Variants in MREG observed in about 807,000 individuals in gnomAD.
MREG encodes the protein melanoregulin.
MREG carries 31 observed loss-of-function variants against 28.5 expected under a neutral mutation model. The ratio of observed to expected loss-of-function variants is 1.09; its 90% CI spans 0.82 to 1.47. MREG has a LOEUF of 1.47. Among genes scored for constraint, MREG ranks in the 40% most tolerant of loss-of-function variants. The pLI, the probability that MREG is intolerant of heterozygous loss-of-function variation, is 0.00. For missense variants in MREG, 256 were observed against 257.4 expected (o/e 0.99, Z 0.04); for synonymous variants, 106 against 95.2 (o/e 1.11, Z -0.66).
intron 1 of MREG, among the ~76,000 whole-genome samples, chr2:216,003,418 T>A (rs1038994946): frequency 6.6e-6 from 1 of 152,178 alleles, no homozygotes. Context: ...AAGCCAGCAC[T>A]GTTGTGTCAT....
intron 2 of MREG, among the ~76,000 whole-genome samples, chr2:215,979,510 AAT>A (rs1693360409): frequency 6.8e-6 from 1 of 147,540 alleles, no homozygotes; most frequent in Non-Finnish European, 1.5e-5. Flanking sequence ...TAATAATAAT[AAT>A]AAAAGGTAAA....
chr2:215,949,753 G>T (rs1036928356), intron 2 of MREG, among the ~76,000 whole-genome samples: 3 of 152,088 alleles, frequency 2.0e-5, no homozygotes, highest in African/African-American at 7.2e-5. Context: ...TTTTATAACT[G>T]ATCCATTTCC....
At chr2:216,029,823 T>C (rs759824271) in intron 1 of MREG, among the ~76,000 whole-genome samples, 9 of 152,232 alleles carry the variant, frequency 5.9e-5, no homozygotes, top group Non-Finnish European at 7.3e-5. Flanking sequence ...GAAAAGGAGA[T>C]GGTTTAATGA....
rs1486285263 is a variant in MREG at position 216,013,312 on chromosome 2, A to C, written c.16T>G (p.Trp6Gly). 6.5e-7 allele frequency: 1 copy of C among 1,548,732 alleles called. No homozygotes were observed. Among genetic ancestry groups the C allele is most frequent in the East Asian group, 2.5e-5 (1 of 40,772 alleles). Reference protein sequence around the residue: MGLRDWLRTVCCCCGC... With the variant: MGLRDGLRTVCCCCGC... ...CAGCAGCAGCACACGGTTCTCAGCC[A>C]GTCCCTCAGCCCCATGGAGAGCGAG... Residue 6 changes from tryptophan (W) to glycine (G), a missense_variant, in exon 1 of 5, where the codon TGG (tryptophan) becomes GGG (glycine). Coordinates refer to ENST00000263268, the MANE Select transcript of MREG (RefSeq NM_018000.3).
chr2:215,947,085 T>C lies in MREG; in HGVS notation c.284A>G (p.His95Arg). 6.2e-7 allele frequency: 1 copy of C among 1,613,094 alleles called. No individual in the cohort carries two copies. Among genetic ancestry groups the C allele is most frequent in the African/African-American group, 1.3e-5 (1 of 75,054 alleles). Residue 95 changes from histidine to arginine, a missense_variant, in exon 3 of 5, where the codon CAT becomes CGT. His to Arg is a conservative substitution (Grantham distance 29, BLOSUM62 0). Coordinates refer to ENST00000263268, the MANE Select transcript of MREG (RefSeq NM_018000.3). ...EEWQKLNYDI[H>R]TLRQVRREVR... Reference sequence around the variant, plus strand: ...TTCCCTTCGAACCTGCCGCAGGGTATGGATATCATAGTTGAGCTTCTGCCA... The same window carrying C: ...TTCCCTTCGAACCTGCCGCAGGGTACGGATATCATAGTTGAGCTTCTGCCA...
chr2:216,015,104 GGT>G (rs1199378339), upstream of MREG, among the ~76,000 whole-genome samples: 1 of 84,192 alleles, frequency 1.2e-5, no homozygotes, highest in Non-Finnish European at 2.2e-5. Flanking sequence ...GGGAGAGCGG[GGT>G]GTGTGTGTGC....
intron 2 of MREG, among the ~76,000 whole-genome samples, chr2:215,994,860 T>C (rs2106015146): frequency 6.6e-6 from 1 of 152,100 alleles, no homozygotes; most frequent in East Asian, 1.9e-4. Flanking sequence ...CCCTTTCACA[T>C]TTGCATGGGG....
intron 2 of MREG, among the ~76,000 whole-genome samples, chr2:215,958,180 A>G (rs1692680966): frequency 6.6e-6 from 1 of 151,950 alleles, no homozygotes; most frequent in African/African-American, 2.4e-5. Context: ...TGGGTGCAGC[A>G]CACCAACATG....
intron 1 of MREG, among the ~76,000 whole-genome samples, chr2:216,023,531 C>A (rs945124634): frequency 2.0e-5 from 3 of 152,116 alleles, no homozygotes; most frequent in African/African-American, 7.2e-5. Flanking sequence ...TATTTCATTT[C>A]ATCTTATTAA....
chr2:215,986,662 G>A (rs1693580180), intron 2 of MREG, among the ~76,000 whole-genome samples: 1 of 152,148 alleles, frequency 6.6e-6, no homozygotes, highest in Non-Finnish European at 1.5e-5. Flanking sequence ...CCCCCATTCT[G>A]TTCTCGAAGT....
At chr2:216,020,254 C>T (rs182270417) in intron 1 of MREG, among the ~76,000 whole-genome samples, 30 of 152,310 alleles carry the variant, frequency 2.0e-4, no homozygotes, top group Middle Eastern at 3.4e-3. Flanking sequence ...AATGTACTGC[C>T]TCAAGTAACT....
At chr2:215,979,597 T>C (rs1019859818) in intron 2 of MREG, among the ~76,000 whole-genome samples, 3 of 151,952 alleles carry the variant, frequency 2.0e-5, no homozygotes, top group Non-Finnish European at 2.9e-5. Context: ...GTAAACAGCA[T>C]TGACACCAAG....
At chr2:216,016,387 G>C (rs1473361432), upstream of MREG, among the ~76,000 whole-genome samples, 1 of 152,180 alleles carries the variant, frequency 6.6e-6, no homozygotes, top group Non-Finnish European at 1.5e-5. Context: ...CCCAAAATGT[G>C]AACTCAGCTA....
At chr2:215,974,852 A>ACACACACACACACACT (rs1553550318) in intron 2 of MREG, among the ~76,000 whole-genome samples, 1 of 107,554 alleles carries the variant, frequency 9.3e-6, no homozygotes, top group Non-Finnish European at 2.0e-5. Flanking sequence ...ACACACACAC[A>ACACACACACACACACT]CTCTCTCTCT....
intron 2 of MREG, 27 bp from the exon 3 acceptor site, chr2:215,947,140 A>C: frequency 6.7e-7 from 1 of 1,488,850 alleles, no homozygotes; most frequent in Non-Finnish European, 9.3e-7. Flanking sequence ...GTTTAGTTTT[A>C]TTTATACCCC....
At chr2:215,970,692 T>C (rs762755507) in intron 2 of MREG, among the ~76,000 whole-genome samples, 2 of 152,194 alleles carry the variant, frequency 1.3e-5, no homozygotes, top group Non-Finnish European at 2.9e-5. Context: ...TTTTACGAAC[T>C]GTAGAGTGGA....
At chr2:215,988,851 T>C (rs777138457) in intron 2 of MREG, among the ~76,000 whole-genome samples, 12 of 152,142 alleles carry the variant, frequency 7.9e-5, no homozygotes, top group Non-Finnish European at 4.4e-5. Context: ...AGATTCCTCC[T>C]CTCTGGGCAG....
intron 2 of MREG, among the ~76,000 whole-genome samples, chr2:215,958,175 G>A (rs1393801126): frequency 6.6e-6 from 1 of 151,550 alleles, no homozygotes; most frequent in East Asian, 1.9e-4. Flanking sequence ...GTTAATGGGT[G>A]CAGCACACCA....
intron 2 of MREG, among the ~76,000 whole-genome samples, chr2:215,981,052 G>A (rs991319620): frequency 2.0e-5 from 3 of 152,072 alleles, no homozygotes; most frequent in Non-Finnish European, 2.9e-5. Context: ...AAACAGTACC[G>A]CAGTTCCTTA....
Sources: allele counts gnomAD v4.1 joint callset (sites outside exome capture counted in the v4.1 genomes callset), GRCh38; gene constraint gnomAD v4.1.1; transcripts MANE v1.5; gene names NCBI Gene and HGNC (gene_info 2026-07-23, HGNC 2026-07-21).